Variants in MEGF6 observed in about 807,000 individuals in gnomAD.
MEGF6 encodes the protein multiple epidermal growth factor-like domains protein 6.
Under a neutral mutation model 207.1 loss-of-function variants are expected in MEGF6, and 184 were observed. That is an observed-to-expected ratio of 0.89 (90% confidence interval 0.79 to 1.00). MEGF6 has a LOEUF of 1.00. MEGF6 is among the 50% of genes least tolerant of loss of function. The pLI is 0.00. For missense variants in MEGF6, 2,282 were observed against 2,202.9 expected (o/e 1.04, Z -0.72); for synonymous variants, 1,038 against 910.0 (o/e 1.14, Z -2.53).
Position 3,538,745 on chromosome 1 carries a change from T to TCC in MEGF6, c.482-14501_482-14500dup, listed in dbSNP as rs1642411707. The stretch of plus-strand genomic sequence containing the variant: ...GTGTGTGTGTGTGTGTGTGTGTGTG[T>TCC]CCGCGCTGTCTGTGGGTTCTCTGTT... On this transcript the variant is annotated intron_variant, in intron 4 of 36. Coordinates refer to ENST00000356575, the MANE Select transcript of MEGF6 (RefSeq NM_001409.4). Among the ~76,000 whole-genome samples, 46 of 126,516 alleles carry TCC rather than the reference T, an allele frequency of 3.6e-4. 1 individual carries two copies. In the South Asian group the frequency reaches 0.011, roughly 30 times the overall value. 83.0% of individuals were successfully genotyped at this position (126,516 alleles called of 152,430 possible). A position where few individuals can be genotyped will look rare whatever the true frequency, so the allele number is the denominator to read the frequency against.
chr1:3,539,688 C>T (rs1233185741), intron 4 of MEGF6, among the ~76,000 whole-genome samples: 1 of 152,198 alleles, frequency 6.6e-6, no homozygotes, highest in Non-Finnish European at 1.5e-5. Context: ...AAAGTGGCTA[C>T]CTGGGCGCCT....
chr1:3,568,460 CA>C (rs1643411536), intron 4 of MEGF6, among the ~76,000 whole-genome samples: 1 of 151,704 alleles, frequency 6.6e-6, no homozygotes, highest in African/African-American at 2.4e-5. Flanking sequence ...CAGGGAGGCT[CA>C]AGCAGCAGCT....
In MEGF6 at chr1:3,506,098, T is replaced by C. The variant is rs778743522; in HGVS notation, c.1918+10A>G. On this transcript the variant is annotated intron_variant, in intron 15 of 36. Coordinates refer to ENST00000356575, the MANE Select transcript of MEGF6 (RefSeq NM_001409.4). The stretch of plus-strand genomic sequence containing the variant: ...CCACCATGGACACTGGAAGGGGCAG[T>C]GAGACTCACTGAGGTGGCAGAAGCG... The C allele has an allele frequency of 6.3e-7, 1 of 1,583,748 alleles. No individual in the cohort carries two copies. Among genetic ancestry groups the C allele is most frequent in the Non-Finnish European group, 8.6e-7 (1 of 1,165,180 alleles).
At chr1:3,585,321 G>A (rs1643877531) in intron 3 of MEGF6, among the ~76,000 whole-genome samples, 1 of 146,672 alleles carries the variant, frequency 6.8e-6, no homozygotes, top group Non-Finnish European at 1.5e-5. Context: ...CCTGTGTGTG[G>A]GAATGAGTGA....
chr1:3,508,668 C>T lies in MEGF6; in HGVS notation c.1550G>A (p.Gly517Asp). ...EKFVCLDDSFGHDCSLTCDDC... is the reference protein window; with the variant it reads ...EKFVCLDDSFDHDCSLTCDDC... ...ATCACAGGTCAAGCTGCAGTCATGG[C>T]CAAAGGAGTCATCCAGGCAGACTGG... Residue 517 changes from glycine to aspartate, a missense_variant, in exon 13 of 37, where the codon GGC becomes GAC. By Grantham distance (94) the Gly-to-Asp change is moderately conservative. Transcript: ENST00000356575. 1 of 1,613,366 alleles carries T rather than the reference C, an allele frequency of 6.2e-7. No homozygotes were observed. Among genetic ancestry groups the T allele is most frequent in the East Asian group, 2.2e-5 (1 of 44,866 alleles).
intron 4 of MEGF6, among the ~76,000 whole-genome samples, chr1:3,539,564 G>A (rs1642449144): frequency 1.3e-5 from 2 of 152,184 alleles, no homozygotes; most frequent in Admixed American, 1.3e-4. Context: ...CGAGGCATCC[G>A]CAGTTCTGAG....
chr1:3,501,684 G>C, intron 18 of MEGF6, 112 bp downstream of exon 18: 1 of 1,405,208 alleles, frequency 7.1e-7, no homozygotes, highest in Non-Finnish European at 9.5e-7. Context: ...TCTCACACCT[G>C]CTATAGACGG....
chr1:3,500,068 A>G (rs1640790759), intron 21 of MEGF6, 144 bp from the exon 22 acceptor site: 2 of 1,266,128 alleles, frequency 1.6e-6, no homozygotes, highest in Admixed American at 2.9e-5. Context: ...GACTGGGCTC[A>G]CTCACATGCT....
chr1:3,497,181 T>C (rs1031323335), intron 27 of MEGF6, 52 bp downstream of exon 27: 14 of 1,535,046 alleles, frequency 9.1e-6, no homozygotes, highest in East Asian at 2.3e-5. Context: ...GCAGCCTCTC[T>C]GGATTCCCCC....
intron 4 of MEGF6, among the ~76,000 whole-genome samples, chr1:3,532,930 A>T (rs1057188413): frequency 6.6e-6 from 1 of 152,216 alleles, no homozygotes; most frequent in Admixed American, 6.5e-5. Context: ...GAGGAAACTG[A>T]GGCCCAGACA....
In MEGF6 at chr1:3,489,460, TCTTC is replaced by T. The variant is rs1302751527; in HGVS notation, c.*1064_*1067del. 6.6e-6 allele frequency among the ~76,000 whole-genome samples: 1 copy of T among 152,168 alleles called. No individual in the cohort carries two copies. Among genetic ancestry groups the T allele is most frequent in the Non-Finnish European group, 1.5e-5 (1 of 67,998 alleles). On this transcript the variant is annotated 3_prime_UTR_variant, in exon 37 of 37. Transcript: ENST00000356575. ...CCAGCCACCACCTCTACCCTCTGCCTCTTCCTTCCACTCTGGGCCCTTCTTCCAG... is the reference window on the plus strand; with the variant it reads ...CCAGCCACCACCTCTACCCTCTGCCTCTTCCACTCTGGGCCCTTCTTCCAG...
intron 13 of MEGF6, among the ~76,000 whole-genome samples, chr1:3,508,135 C>T (rs1641189174): frequency 1.3e-5 from 2 of 152,114 alleles, no homozygotes; most frequent in African/African-American, 4.8e-5. Flanking sequence ...GGAGTCTCCT[C>T]CTTCTGAACC....
upstream of MEGF6, among the ~76,000 whole-genome samples, chr1:3,613,731 A>C (rs142227599): frequency 7.5e-4 from 114 of 152,286 alleles, no homozygotes; most frequent in East Asian, 0.019. Flanking sequence ...ATATAAAAGT[A>C]AGTTATTTTA....
the MEGF6 span, among the ~76,000 whole-genome samples, chr1:3,622,215 C>T: frequency 1.3e-5 from 2 of 152,104 alleles, no homozygotes; most frequent in Non-Finnish European, 2.9e-5. Flanking sequence ...CCCCACATGT[C>T]GAGGGAGGGA....
At chr1:3,608,445 C>T (rs186057582) in intron 1 of MEGF6, among the ~76,000 whole-genome samples, 4 of 152,054 alleles carry the variant, frequency 2.6e-5, no homozygotes, top group African/African-American at 4.8e-5. Flanking sequence ...CTCAGGCTCA[C>T]GAATGGGGCC....
Position 3,492,687 on chromosome 1 carries a change from C to T in MEGF6, c.4468G>A (p.Gly1490Arg), listed in dbSNP as rs1418082490. 7 of 1,612,658 alleles carry T rather than the reference C, an allele frequency of 4.3e-6. No homozygotes were observed. Among genetic ancestry groups the T allele is most frequent in the Non-Finnish European group, 5.9e-6 (7 of 1,179,868 alleles). Reference protein sequence around the residue: ...GGGADCDPVSGQCHCVDGYMG... With the variant: ...GGGADCDPVSRQCHCVDGYMG... ...TAGCCATCCACACAGTGACACTGCC[C>T]ACTGACAGGGTCGCAGTCAGCCCCA... is the stretch of plus-strand genomic sequence containing the variant. The change falls in exon 35 of 37, where the codon GGG (glycine) becomes AGG (arginine). Residue 1490 changes from glycine to arginine, a missense_variant. Physicochemically the swap from Gly to Arg is moderately radical, Grantham distance 125. Transcript: ENST00000356575.
At chr1:3,581,690 G>A (rs554401221) in intron 3 of MEGF6, among the ~76,000 whole-genome samples, 4 of 152,162 alleles carry the variant, frequency 2.6e-5, no homozygotes, top group Admixed American at 2.6e-4. Flanking sequence ...CCCCCGGGTG[G>A]GGAGCAGGTG....
In MEGF6 at chr1:3,594,808, G is replaced by A. The variant is rs61737342; in HGVS notation, c.376+530C>T. On this transcript the variant is annotated intron_variant, in intron 3 of 36. Transcript: ENST00000356575. This position sits in a 1 kb window ranked among gnomAD's most constrained non-coding sequence, Gnocchi z 4.2. ...GCACATCAGCACCTGCCCGGGTCAG[G>A]TCGTATGCAGCACGGGCCTCTCCAA... is the stretch of plus-strand genomic sequence containing the variant. Among the ~76,000 whole-genome samples, 823 of 152,332 alleles carry A rather than the reference G, an allele frequency of 5.4e-3. 8 individuals carry two copies. The highest frequency in any genetic ancestry group is 0.014 in the Middle Eastern group (4 of 294).
intron 4 of MEGF6, among the ~76,000 whole-genome samples, chr1:3,578,563 C>A (rs1024911294): frequency 3.9e-5 from 6 of 151,944 alleles, no homozygotes; most frequent in Admixed American, 3.9e-4. Flanking sequence ...TTCGTCCACA[C>A]GAGACAGACA....
Sources: gnomAD v4.1 joint callset for allele counts (sites outside exome capture counted in the v4.1 genomes callset) on GRCh38, gnomAD v4.1.1 for gene constraint, Gnocchi (gnomAD v3.1) non-coding constraint, MANE v1.5 for transcripts, NCBI Gene and HGNC (gene_info 2026-07-23, HGNC 2026-07-21) for gene names.